The following INAVA variants were observed in gnomAD, a reference collection of about 807,000 sequenced individuals.
INAVA encodes innate immunity activator protein.
A neutral mutation model predicts 55.3 loss-of-function variants in INAVA; 32 were observed. The ratio of observed to expected loss-of-function variants is 0.58; its 90% CI spans 0.44 to 0.78. INAVA has a LOEUF of 0.78. Among genes scored for constraint, INAVA ranks in the 30% least tolerant of loss-of-function variants. The pLI is 0.00. For synonymous variants in INAVA, 294 were observed against 329.4 expected, an observed-to-expected ratio of 0.89 and a Z score of 1.16; for missense variants, 756 against 786.4, an observed-to-expected ratio of 0.96 and a Z score of 0.46.
intron 5 of INAVA, 68 bp downstream of exon 5, chr1:200,901,227 C>T (rs890506998): frequency 2.6e-5 from 36 of 1,379,544 alleles, no homozygotes; most frequent in Admixed American, 1.9e-4. Flanking sequence ...GGGCGCACAG[C>T]CCCGTGCCAC....
At chr1:200,905,969 G>A (rs1653472755) in intron 5 of INAVA, among the ~76,000 whole-genome samples, 1 of 152,222 alleles carries the variant, frequency 6.6e-6, no homozygotes, top group African/African-American at 2.4e-5. Flanking sequence ...CACCTTTGTT[G>A]AATGTATAAC....
chr1:200,909,734 C>T (rs1439461038), intron 8 of INAVA, among the ~76,000 whole-genome samples: 8 of 152,180 alleles, frequency 5.3e-5, no homozygotes, highest in Admixed American at 3.9e-4. Context: ...AATTGATGCA[C>T]AGTTGATTCT....
rs1248532492 is a variant in INAVA at position 200,912,086 on chromosome 1, C to G, written c.1593C>G (p.Ser531Arg). The change falls in exon 9 of 10, where the codon AGC becomes AGG. Residue 531 changes from serine to arginine, a missense_variant. Around this residue, in one of 2 missense-constraint regions of INAVA, gnomAD observed 117 missense variants for 162.1 expected, o/e 0.72. Transcript: ENST00000413687. ...LDRQGAFRVRSLPLGREGFGR... is the reference protein window; with the variant it reads ...LDRQGAFRVRRLPLGREGFGR... ...GCCAAGGAGCTTTCCGGGTCAGGAG[C>G]CTGCCCCTTGGGAGAGAGGGCTTCG... The G allele has an allele frequency of 6.5e-7, 1 of 1,549,138 alleles. No homozygotes were observed. Among genetic ancestry groups the G allele is most frequent in the Non-Finnish European group, 8.7e-7 (1 of 1,146,660 alleles).
intron 1 of INAVA, among the ~76,000 whole-genome samples, chr1:200,897,979 G>A (rs1319093490): frequency 6.6e-6 from 1 of 152,032 alleles, no homozygotes; most frequent in Non-Finnish European, 1.5e-5. Context: ...TTTTTATCCT[G>A]TCTCTGCTCT....
At chr1:200,908,641 C>T (rs771036450) in intron 6 of INAVA, 89 bp from the exon 7 acceptor site, 60 of 1,110,252 alleles carry the variant, frequency 5.4e-5, no homozygotes, top group Admixed American at 1.2e-4. Context: ...GGAGGGAGAG[C>T]GGCGAGGCAT....
At position 200,911,663 on chromosome 1, in the gene INAVA, C is replaced by T. The variant is rs201583008; in HGVS notation, c.1170C>T (p.Pro390=). Residue 390 remains proline (P), a synonymous_variant, in exon 9 of 10, where the codon CCC becomes CCT. Coordinates refer to ENST00000413687, the MANE Select transcript of INAVA (RefSeq NM_001142569.3). ...CCACTTCGCCGGGCAGCAGCAGCCC[C>T]GACATCTCCTTTCTGCAGCCTCTCT... ...SHPTSPGSSS[P]DISFLQPLSP... The T allele has an allele frequency of 6.2e-6, 10 of 1,614,058 alleles. No individual in the cohort carries two copies. The highest frequency in any genetic ancestry group is 2.2e-5 in the East Asian group (1 of 44,876).
rs1369485064 is a variant in INAVA at position 200,913,456 on chromosome 1, G to A, written c.1645-81G>A. The A allele has an allele frequency of 4.8e-6, 5 of 1,051,898 alleles. No individual in the cohort carries two copies. The Admixed American group carries it at 9.0e-5, about 19-fold the overall frequency. 65.2% of individuals were successfully genotyped at this position (1,051,898 alleles called of 1,614,324 possible). On this transcript the variant is annotated intron_variant, in intron 9 of 9. Coordinates refer to ENST00000413687, the MANE Select transcript of INAVA (RefSeq NM_001142569.3). Reference sequence around the variant, plus strand: ...GCTGGTCAGTGTCCCTAAGGGATAAGGATGGTGTAACTGTGCCTGCTGTCC... The same window carrying A: ...GCTGGTCAGTGTCCCTAAGGGATAAAGATGGTGTAACTGTGCCTGCTGTCC...
chr1:200,907,530 G>A lies in INAVA; in HGVS notation c.521-304G>A, dbSNP rs1008591036. ...ATAATTTAGCTGGGTGTGCTGGCATGCCCCTGTGGTCTCAGCTACTTGTGA... is the reference window on the plus strand; with the variant it reads ...ATAATTTAGCTGGGTGTGCTGGCATACCCCTGTGGTCTCAGCTACTTGTGA... On this transcript the variant is annotated intron_variant, in intron 5 of 9. Coordinates refer to ENST00000413687, the MANE Select transcript of INAVA (RefSeq NM_001142569.3). Among the ~76,000 whole-genome samples, 5 of 152,170 alleles carry A rather than the reference G, an allele frequency of 3.3e-5. No individual in the cohort carries two copies. The South Asian group carries it at 1.0e-3, about 32-fold the overall frequency.
In INAVA at chr1:200,911,594, C is replaced by T; in HGVS notation, c.1101C>T (p.Ser367=). The part of the protein sequence containing the change: ...KPPLPHAACH[S]CSEDSGSDVS... ...CGCTGCCCCACGCCGCCTGCCACTC[C>T]TGCTCAGAAGACAGTGGCTCTGACG... Residue 367 remains serine, a synonymous_variant, in exon 9 of 10, where the codon TCC becomes TCT. Coordinates refer to ENST00000413687, the MANE Select transcript of INAVA (RefSeq NM_001142569.3). 1.9e-6 allele frequency: 3 copies of T among 1,614,028 alleles called. No homozygotes were observed. The highest frequency in any genetic ancestry group is 2.5e-6 in the Non-Finnish European group (3 of 1,179,966).
chr1:200,895,532 G>A (rs897743451), intron 1 of INAVA, among the ~76,000 whole-genome samples: 1 of 151,600 alleles, frequency 6.6e-6, no homozygotes, highest in African/African-American at 2.4e-5. Context: ...GGATCCCTGT[G>A]TTAGGGAGGG....
rs990614396 is a variant in INAVA at position 200,900,946 on chromosome 1, A to T, written c.307A>T (p.Ser103Cys). 7.1e-6 allele frequency: 11 copies of T among 1,549,126 alleles called. No homozygotes were observed. The highest frequency in any genetic ancestry group is 9.6e-6 in the Non-Finnish European group (11 of 1,145,132). Residue 103 changes from serine to cysteine, a missense_variant, in exon 5 of 10, where the codon AGC becomes TGC. Around this residue, in one of 2 missense-constraint regions of INAVA, gnomAD observed 639 missense variants for 624.3 expected, o/e 1.02. Coordinates refer to ENST00000413687, the MANE Select transcript of INAVA (RefSeq NM_001142569.3). Reference protein sequence around the residue: ...DWALHREDPLSSLERQLALQL... With the variant: ...DWALHREDPLCSLERQLALQL... ...CTGCCCCCTCTCTCAGGACCCCCTA[A>T]GCAGCCTGGAGCGCCAGCTGGCCCT...
chr1:200,904,813 GC>G (rs1248788331), intron 5 of INAVA, among the ~76,000 whole-genome samples: 3 of 151,694 alleles, frequency 2.0e-5, no homozygotes, highest in African/African-American at 7.3e-5. Flanking sequence ...CCTCACTGCA[GC>G]CTTGAACTCC....
intron 5 of INAVA, among the ~76,000 whole-genome samples, chr1:200,905,200 A>G (rs924863810): frequency 1.3e-5 from 2 of 152,180 alleles, no homozygotes; most frequent in Non-Finnish European, 2.9e-5. Flanking sequence ...AGCTCCTGGT[A>G]CCGTATGTCC....
chr1:200,912,656 A>G (rs559577441), intron 9 of INAVA, among the ~76,000 whole-genome samples: 4 of 152,218 alleles, frequency 2.6e-5, no homozygotes, highest in African/African-American at 9.6e-5. Flanking sequence ...AAGCTAGACC[A>G]CCAGGTTCAA....
intron 5 of INAVA, among the ~76,000 whole-genome samples, chr1:200,907,379 G>T (rs1332079901): frequency 6.6e-6 from 1 of 152,126 alleles, no homozygotes; most frequent in Non-Finnish European, 1.5e-5. Context: ...AGCCAGGCCA[G>T]GCACAGTGGC....
At chr1:200,903,351 G>C (rs566427708) in intron 5 of INAVA, among the ~76,000 whole-genome samples, 1 of 152,066 alleles carries the variant, frequency 6.6e-6, no homozygotes, top group Admixed American at 6.5e-5. Context: ...AGACATGGTG[G>C]TGCATGTCTG....
rs146028662 is a variant in INAVA at position 200,898,051 on chromosome 1, C to T, written c.-94-256C>T. Among the ~76,000 whole-genome samples, 473 of 152,326 alleles carry T rather than the reference C, an allele frequency of 3.1e-3. 2 individuals carry two copies. The highest frequency in any genetic ancestry group is 5.0e-3 in the Non-Finnish European group (342 of 68,036). ...TGTGGCTACCACAGCTGTCGACCCC[C>T]TTAGGCCTAGAGGACTTTGGCCCAG... On this transcript the variant is annotated intron_variant, in intron 1 of 9. Coordinates refer to ENST00000413687, the MANE Select transcript of INAVA (RefSeq NM_001142569.3).
intron 5 of INAVA, among the ~76,000 whole-genome samples, chr1:200,902,031 C>T (rs1238527957): frequency 1.3e-5 from 2 of 152,186 alleles, no homozygotes; most frequent in East Asian, 3.9e-4. Context: ...AGGCCCATGA[C>T]TCAGCTCTGC....
At chr1:200,893,080 C>T (rs1668267388), upstream of INAVA, among the ~76,000 whole-genome samples, 1 of 152,192 alleles carries the variant, frequency 6.6e-6, no homozygotes, top group Non-Finnish European at 1.5e-5. Context: ...CAACCTTTAA[C>T]AGATTTTAAC....
Sources: gnomAD v4.1 joint callset for allele counts (sites outside exome capture counted in the v4.1 genomes callset) on GRCh38, gnomAD v4.1.1 for gene constraint, gnomAD v4.1.1 regional missense constraint, MANE v1.5 for transcripts, NCBI Gene and HGNC (gene_info 2026-07-23, HGNC 2026-07-21) for gene names.